GCA: variants seen among roughly 807,000 people sequenced by gnomAD.
GCA encodes the protein grancalcin, EF-hand calcium-binding protein.
GCA carries 30 observed loss-of-function variants against 32.6 expected under a neutral mutation model. The ratio of observed to expected loss-of-function variants is 0.92; its 90% CI spans 0.69 to 1.25. The LOEUF (loss-of-function observed/expected upper bound fraction) is 1.25. Ranked by LOEUF, GCA falls within the 50% of genes most tolerant of loss-of-function variation. GCA has a pLI of 0.00. For missense variants in GCA, 291 were observed against 266.8 expected (o/e 1.09, Z -0.63); for synonymous variants, 102 against 84.6 (o/e 1.21, Z -1.13).
In GCA at chr2:162,360,729, C is replaced by T; in HGVS notation, c.*486C>T. 1.4e-6 allele frequency: 2 copies of T among 1,396,742 alleles called. No homozygotes were observed. The highest frequency in any genetic ancestry group is 1.9e-6 in the Non-Finnish European group (2 of 1,077,504). The allele number at this position is 1,396,742 out of a possible 1,614,324, so 86.5% of individuals were successfully genotyped here. A position where few individuals can be genotyped will look rare whatever the true frequency, so the allele number is the denominator to read the frequency against. ...GCCATGTTTGTAATATAGTTTGTTC[C>T]TTGATCAAATAATCAGAGAAAAGAA... On this transcript the variant is annotated 3_prime_UTR_variant, in exon 8 of 8. Transcript: ENST00000437150.
chr2:162,328,398 A>C (rs1342917559), intron 1 of GCA, among the ~76,000 whole-genome samples: 2 of 152,070 alleles, frequency 1.3e-5, no homozygotes, highest in Non-Finnish European at 2.9e-5. Context: ...CTCAAAAAAG[A>C]AAAGAAAACA....
chr2:162,373,545 G>A (rs1244805416), downstream of GCA: 2 of 1,591,260 alleles, frequency 1.3e-6, no homozygotes, highest in Non-Finnish European at 1.7e-6. Context: ...GCTGGATGAT[G>A]GGTCTCTGAT....
At chr2:162,360,016 T>G (rs974978235) in intron 7 of GCA, among the ~76,000 whole-genome samples, 14 of 151,342 alleles carry the variant, frequency 9.3e-5, no homozygotes, top group Non-Finnish European at 1.8e-4. Context: ...TGCTTTAATG[T>G]TTCAGGGTTT....
intron 3 of GCA, among the ~76,000 whole-genome samples, chr2:162,352,858 G>T (rs1038737400): frequency 1.3e-5 from 2 of 152,096 alleles, no homozygotes; most frequent in Admixed American, 6.5e-5. Flanking sequence ...TGTTAGGTAT[G>T]TTAGTCTTTA....
intron 4 of GCA, chr2:162,371,171 G>A: frequency 2.8e-6 from 1 of 353,382 alleles, no homozygotes; most frequent in Non-Finnish European, 5.5e-6. Flanking sequence ...TAGATGGTTT[G>A]TAAATGCAAT....
rs535844642 is a variant in GCA, at chr2:162,350,248, C to T, written c.193-2090C>T. ...GGCTGTTTTTGCCCCTTCATTCTTC[C>T]TGCCTGGAAAGGGGACTTGAGGTAT... is the stretch of plus-strand genomic sequence containing the variant. On this transcript the variant is annotated intron_variant, in intron 2 of 7. Transcript: ENST00000437150. Among the ~76,000 whole-genome samples, 3 of 152,288 alleles carry T rather than the reference C, an allele frequency of 2.0e-5. No homozygotes were observed. In the South Asian group the frequency reaches 6.2e-4, roughly 32 times the overall value.
intron 1 of GCA, chr2:162,344,491 C>G: frequency 1.7e-6 from 1 of 581,638 alleles, no homozygotes; most frequent in East Asian, 2.8e-5. Context: ...GTTGAGGACC[C>G]TCGAGGAGCG....
intron 3 of GCA, among the ~76,000 whole-genome samples, chr2:162,353,068 G>T (rs903962916): frequency 6.6e-6 from 1 of 152,028 alleles, no homozygotes; most frequent in Non-Finnish European, 1.5e-5. Flanking sequence ...TGGTTTCCCC[G>T]TTTCTCTTGA....
chr2:162,327,350 G>T (rs565592605), intron 1 of GCA, among the ~76,000 whole-genome samples: 73 of 152,244 alleles, frequency 4.8e-4, no homozygotes, highest in Non-Finnish European at 6.8e-4. Flanking sequence ...CAGAAACATT[G>T]TGGGGGGCAG....
chr2:162,361,550 CA>C lies in GCA; in HGVS notation c.*1311del. On this transcript the variant is annotated 3_prime_UTR_variant, in exon 8 of 8. Coordinates refer to ENST00000437150, the MANE Select transcript of GCA (RefSeq NM_012198.5). ...GGAGGATAGATGGCAATATCTTGAA[CA>C]AAATCTTTTATAAACTTACAGAATT... is the stretch of plus-strand genomic sequence containing the variant. 1.0e-6 allele frequency: 1 copy of C among 981,702 alleles called. No individual in the cohort carries two copies. 60.8% of individuals were successfully genotyped at this position (981,702 alleles called of 1,614,324 possible).
In GCA at chr2:162,360,548, A is replaced by C; in HGVS notation, c.*305A>C. 1 of 1,062,020 alleles carries C rather than the reference A, an allele frequency of 9.4e-7. No individual in the cohort carries two copies. The highest frequency in any genetic ancestry group is 1.2e-6 in the Non-Finnish European group (1 of 823,510). The allele number at this position is 1,062,020 out of a possible 1,614,324, so 65.8% of individuals were successfully genotyped here. On this transcript the variant is annotated 3_prime_UTR_variant, in exon 8 of 8. Transcript: ENST00000437150. Reference sequence around the variant, plus strand: ...TTTTAGATAATGTAAATTTAGAGGAATGTACTTTACAAGATAGATTGTATA... The same window carrying C: ...TTTTAGATAATGTAAATTTAGAGGACTGTACTTTACAAGATAGATTGTATA...
chr2:162,374,153 A>G (rs189378291), downstream of GCA, among the ~76,000 whole-genome samples: 3 of 152,292 alleles, frequency 2.0e-5, no homozygotes, highest in East Asian at 5.8e-4. Context: ...TCCTATTCAT[A>G]TTAAGTATTG....
chr2:162,363,976 T>C (rs1379795678), downstream of GCA, among the ~76,000 whole-genome samples: 3 of 151,632 alleles, frequency 2.0e-5, no homozygotes, highest in African/African-American at 7.2e-5. Context: ...GTGCTAATTA[T>C]GTTTTCAGAT....
At chr2:162,353,017 G>A (rs1359965783) in intron 3 of GCA, among the ~76,000 whole-genome samples, 1 of 152,124 alleles carries the variant, frequency 6.6e-6, no homozygotes. Context: ...TTTTTTATGT[G>A]TAGCTGTCAT....
chr2:162,345,131 G>GGTTGTGGTTGTGGTT (rs1553464762), intron 1 of GCA, among the ~76,000 whole-genome samples: 1 of 144,140 alleles, frequency 6.9e-6, no homozygotes, highest in African/African-American at 2.6e-5. Context: ...TGGTGGTGGT[G>GGTTGTGGTTGTGGTT]GTGGTTGTGG....
intron 1 of GCA, among the ~76,000 whole-genome samples, chr2:162,329,900 G>A (rs13408284): frequency 7.2e-5 from 11 of 152,018 alleles, no homozygotes; most frequent in Admixed American, 1.3e-4. Context: ...ATTTAGCTCC[G>A]ACTTATAAGT....
At chr2:162,373,238 TA>T, downstream of GCA, among the ~76,000 whole-genome samples, 1 of 152,184 alleles carries the variant, frequency 6.6e-6, no homozygotes, top group Non-Finnish European at 1.5e-5. Context: ...TGCTAATGTT[TA>T]AAATTATTAT....
intron 3 of GCA, among the ~76,000 whole-genome samples, chr2:162,355,309 A>G (rs918949958): frequency 3.9e-5 from 6 of 152,156 alleles, no homozygotes; most frequent in Non-Finnish European, 5.9e-5. Flanking sequence ...ACTACAACCA[A>G]CAATTCTAAC....
At chr2:162,339,267 A>T (rs944193963), upstream of GCA, among the ~76,000 whole-genome samples, 2 of 152,176 alleles carry the variant, frequency 1.3e-5, no homozygotes, top group African/African-American at 4.8e-5. Flanking sequence ...TTTATGTCTT[A>T]TGCAAATAAC....
Sources: gnomAD v4.1 joint callset for allele counts (sites outside exome capture counted in the v4.1 genomes callset) on GRCh38, gnomAD v4.1.1 for gene constraint, MANE v1.5 for transcripts, NCBI Gene and HGNC (gene_info 2026-07-23, HGNC 2026-07-21) for gene names.